The following ASAP1 variants were observed in gnomAD, a reference collection of about 807,000 sequenced individuals.
ASAP1 encodes the protein arf-GAP with SH3 domain, ANK repeat and PH domain-containing protein 1.
ASAP1 carries 43 observed loss-of-function variants against 145.2 expected under a neutral mutation model. The observed-to-expected ratio is 0.30, with a 90% CI of 0.23 to 0.38. ASAP1 has a LOEUF of 0.38. Among genes scored for constraint, ASAP1 ranks in the 10% least tolerant of loss-of-function variants. The pLI is 1.00. For synonymous variants in ASAP1, 546 were observed against 515.5 expected, an observed-to-expected ratio of 1.06 and a Z score of -0.80; for missense variants, 1,018 against 1,355.3, an observed-to-expected ratio of 0.75 and a Z score of 3.91.
At chr8:130,254,222 A>C (rs148366962) in intron 3 of ASAP1, among the ~76,000 whole-genome samples, 63 of 152,360 alleles carry the variant, frequency 4.1e-4, no homozygotes, top group African/African-American at 1.5e-3. Flanking sequence ...GCCACTGCCA[A>C]GGATTCCAGT....
chr8:130,180,657 CAG>C, intron 8 of ASAP1, 92 bp downstream of exon 8: 1 of 1,390,340 alleles, frequency 7.2e-7, no homozygotes, highest in Non-Finnish European at 9.7e-7. Context: ...AATAATCAAA[CAG>C]AGTCTGCCTT....
intron 25 of ASAP1, among the ~76,000 whole-genome samples, chr8:130,086,134 T>C (rs1242828357): frequency 1.3e-5 from 2 of 152,214 alleles, no homozygotes; most frequent in Non-Finnish European, 2.9e-5. Flanking sequence ...CAGAAACCAC[T>C]GCTGTGAGGA....
At chr8:130,228,922 C>A (rs559737128) in intron 4 of ASAP1, among the ~76,000 whole-genome samples, 1 of 152,008 alleles carries the variant, frequency 6.6e-6, no homozygotes, top group South Asian at 2.1e-4. Flanking sequence ...AAAATCAGCA[C>A]GGGGTGTTCC....
intron 25 of ASAP1, among the ~76,000 whole-genome samples, chr8:130,088,886 T>C (rs992203636): frequency 2.0e-5 from 3 of 152,210 alleles, no homozygotes; most frequent in Non-Finnish European, 2.9e-5. Flanking sequence ...ACTAGCCCCA[T>C]ATTATAGTTG....
chr8:130,315,839 T>C (rs1823634252), intron 3 of ASAP1, among the ~76,000 whole-genome samples: 1 of 152,150 alleles, frequency 6.6e-6, no homozygotes, highest in Non-Finnish European at 1.5e-5. Flanking sequence ...TCATTCCCAT[T>C]CTCCCTAACT....
intron 24 of ASAP1, among the ~76,000 whole-genome samples, chr8:130,099,743 C>T (rs1206871788): frequency 7.2e-6 from 1 of 138,930 alleles, no homozygotes; most frequent in Admixed American, 7.6e-5. Flanking sequence ...AGTGCAGTGG[C>T]ATGATCTCAG....
At chr8:130,160,691 G>C (rs1329015424) in intron 11 of ASAP1, 1 of 832,336 alleles carries the variant, frequency 1.2e-6, no homozygotes, top group Non-Finnish European at 1.6e-6. Context: ...GAAAATGTAA[G>C]AAATAAAATC....
chr8:130,236,606 G>A (rs941522849), intron 4 of ASAP1, among the ~76,000 whole-genome samples: 10 of 152,090 alleles, frequency 6.6e-5, no homozygotes, highest in Non-Finnish European at 7.4e-5. Context: ...AAGCCACTGA[G>A]TTACAGGTTG....
intron 15 of ASAP1, 81 bp from the exon 16 acceptor site, chr8:130,128,171 G>GAA: frequency 1.7e-6 from 1 of 599,162 alleles, no homozygotes. Flanking sequence ...TTTTGCCACT[G>GAA]CAAAAAAAAA....
intron 24 of ASAP1, among the ~76,000 whole-genome samples, chr8:130,105,694 C>T (rs993156746): frequency 2.0e-4 from 30 of 152,062 alleles, no homozygotes; most frequent in African/African-American, 6.3e-4. Flanking sequence ...CAGTGTAGAA[C>T]GGAGGAGCTG....
At chr8:130,123,471 C>A (rs75143892) in intron 18 of ASAP1, among the ~76,000 whole-genome samples, 1 of 152,058 alleles carries the variant, frequency 6.6e-6, no homozygotes, top group Non-Finnish European at 1.5e-5. Flanking sequence ...AGAGCAGGTG[C>A]GCAGCTGCAA....
At chr8:130,202,670 C>A (rs1565084035) in intron 5 of ASAP1, among the ~76,000 whole-genome samples, 2 of 152,172 alleles carry the variant, frequency 1.3e-5, no homozygotes, top group Admixed American at 6.5e-5. Flanking sequence ...TAAAGGGTAC[C>A]TCCTCTGTAA....
At chr8:130,241,094 C>A (rs148516132) in intron 3 of ASAP1, among the ~76,000 whole-genome samples, 1 of 152,228 alleles carries the variant, frequency 6.6e-6, no homozygotes, top group African/African-American at 2.4e-5. Context: ...TTCTCAGAGA[C>A]GCGTATGAAT....
chr8:130,181,011 T>C (rs901144571), intron 7 of ASAP1, 131 bp from the exon 8 acceptor site: 56 of 677,016 alleles, frequency 8.3e-5, no homozygotes, highest in Admixed American at 6.9e-5. Context: ...GTTGTATCAA[T>C]TGTACCACTC....
intron 2 of ASAP1, among the ~76,000 whole-genome samples, chr8:130,396,459 G>T (rs1454693556): frequency 1.3e-5 from 2 of 152,224 alleles, no homozygotes; most frequent in Non-Finnish European, 2.9e-5. Flanking sequence ...CTTCCTTTAT[G>T]TATTTAACTG....
chr8:130,323,539 A>C (rs1036720828), intron 3 of ASAP1, among the ~76,000 whole-genome samples: 6 of 152,170 alleles, frequency 3.9e-5, no homozygotes, highest in Non-Finnish European at 8.8e-5. Context: ...CCACATTTCC[A>C]GTGCCATCTG....
intron 13 of ASAP1, among the ~76,000 whole-genome samples, chr8:130,141,536 C>T (rs2097611224): frequency 6.6e-6 from 1 of 152,096 alleles, no homozygotes; most frequent in Admixed American, 6.5e-5. Flanking sequence ...TTATTTGCTT[C>T]CTGTCTTCCT....
intron 6 of ASAP1, among the ~76,000 whole-genome samples, 160 bp from the exon 7 acceptor site, chr8:130,187,445 T>G (rs1162968857): frequency 1.2e-4 from 18 of 151,396 alleles, no homozygotes; most frequent in Non-Finnish European, 1.9e-4. Flanking sequence ...TGACAGGGTC[T>G]CACTCTGTTG....
chr8:130,139,555 G>A (rs575795102), intron 13 of ASAP1, among the ~76,000 whole-genome samples: 14 of 151,808 alleles, frequency 9.2e-5, no homozygotes, highest in South Asian at 6.2e-4. Context: ...GCGAAACCCC[G>A]TTGTCTCTAC....
Sources: gnomAD v4.1 joint callset for allele counts (sites outside exome capture counted in the v4.1 genomes callset) on GRCh38, gnomAD v4.1.1 for gene constraint, MANE v1.5 for transcripts, NCBI Gene and HGNC (gene_info 2026-07-23, HGNC 2026-07-21) for gene names.